The following COLEC12 variants were observed in gnomAD, a reference collection of about 807,000 sequenced individuals.
The protein encoded by COLEC12 is collectin subfamily member 12.
Under a neutral mutation model 71.1 loss-of-function variants are expected in COLEC12, and 33 were observed. The ratio of observed to expected loss-of-function variants is 0.46; its 90% CI spans 0.35 to 0.62. The LOEUF (loss-of-function observed/expected upper bound fraction) is 0.62, where lower values mean the gene tolerates loss of function less well. COLEC12 is among the 20% of genes least tolerant of loss of function. COLEC12 has a pLI of 0.00. For missense variants in COLEC12, 765 were observed against 916.1 expected (o/e 0.84, Z 2.13); for synonymous variants, 350 against 353.0 (o/e 0.99, Z 0.10).
At chr18:464,796 C>T (rs1246505489) in intron 2 of COLEC12, among the ~76,000 whole-genome samples, 1 of 152,232 alleles carries the variant, frequency 6.6e-6, no homozygotes. Context: ...AACGAACTCT[C>T]ATTGTAAGGC....
intron 1 of COLEC12, among the ~76,000 whole-genome samples, chr18:499,780 G>C (rs1917783445): frequency 2.0e-5 from 3 of 152,198 alleles, no homozygotes; most frequent in Admixed American, 1.3e-4. Flanking sequence ...TCTAAAGTAC[G>C]ATAACATCTG....
At chr18:462,998 G>A (rs1467414687) in intron 2 of COLEC12, among the ~76,000 whole-genome samples, 1 of 152,184 alleles carries the variant, frequency 6.6e-6, no homozygotes, top group African/African-American at 2.4e-5. Context: ...GGAAGAACAA[G>A]GTTTTCTGAT....
At chr18:448,991 C>T (rs1207230881) in intron 2 of COLEC12, among the ~76,000 whole-genome samples, 1 of 151,802 alleles carries the variant, frequency 6.6e-6, no homozygotes, top group African/African-American at 2.4e-5. Flanking sequence ...TTTTCTATTC[C>T]CAAAGAAATG....
chr18:346,242 G>T lies in COLEC12; in HGVS notation c.1327+53C>A. ...AAATTGCCAAGTTTTAGAGTAACTT[G>T]TTATGCAGCAATAAACAACTAATAC... is the stretch of plus-strand genomic sequence containing the variant. On this transcript the variant is annotated intron_variant, in intron 5 of 9. Coordinates refer to ENST00000400256, the MANE Select transcript of COLEC12 (RefSeq NM_130386.3). This position sits in a 1 kb window ranked among gnomAD's most constrained non-coding sequence, Gnocchi z 4.0. The T allele has an allele frequency of 1.5e-6, 2 of 1,317,866 alleles. No individual in the cohort carries two copies. Among genetic ancestry groups the T allele is most frequent in the Non-Finnish European group, 2.1e-6 (2 of 951,472 alleles). 81.6% of individuals were successfully genotyped at this position (1,317,866 alleles called of 1,614,324 possible).
At chr18:377,919 C>T (rs1472284975) in intron 2 of COLEC12, among the ~76,000 whole-genome samples, 2 of 152,092 alleles carry the variant, frequency 1.3e-5, no homozygotes, top group Admixed American at 1.3e-4. Flanking sequence ...GGGGCTTTAA[C>T]TCCTTCCCCA....
At chr18:427,667 C>T (rs1416034852) in intron 2 of COLEC12, among the ~76,000 whole-genome samples, 3 of 152,198 alleles carry the variant, frequency 2.0e-5, no homozygotes, top group African/African-American at 7.2e-5. Context: ...GTTGTATTCT[C>T]TCTAGTGACT....
At chr18:449,105 G>A (rs1044976041) in intron 2 of COLEC12, among the ~76,000 whole-genome samples, 1 of 151,870 alleles carries the variant, frequency 6.6e-6, no homozygotes, top group African/African-American at 2.4e-5. Flanking sequence ...TAATTAGAAT[G>A]TTATAGTAAA....
intron 2 of COLEC12, among the ~76,000 whole-genome samples, chr18:459,799 G>A (rs1037090037): frequency 2.6e-5 from 4 of 152,210 alleles, no homozygotes; most frequent in Non-Finnish European, 5.9e-5. Flanking sequence ...CATCTCAAAG[G>A]AGATGATTGC....
intron 2 of COLEC12, among the ~76,000 whole-genome samples, chr18:406,902 A>G (rs1915802207): frequency 6.6e-6 from 1 of 152,242 alleles, no homozygotes; most frequent in Non-Finnish European, 1.5e-5. Flanking sequence ...AGACCTCAGG[A>G]GCGATGACGG....
chr18:414,339 T>C (rs527520347), intron 2 of COLEC12, among the ~76,000 whole-genome samples: 6 of 152,154 alleles, frequency 3.9e-5, no homozygotes, highest in Admixed American at 2.0e-4. Context: ...CCTGTAATCC[T>C]AGCACTTTGG....
intron 2 of COLEC12, among the ~76,000 whole-genome samples, chr18:398,756 G>A (rs1379491030): frequency 1.3e-5 from 2 of 152,218 alleles, no homozygotes; most frequent in Non-Finnish European, 2.9e-5. Flanking sequence ...TAAAGAACAA[G>A]AAGCAAACTG....
At chr18:496,989 G>A (rs995167106) in intron 1 of COLEC12, among the ~76,000 whole-genome samples, 19 of 152,188 alleles carry the variant, frequency 1.2e-4, no homozygotes, top group African/African-American at 4.3e-4. Flanking sequence ...GTGTAGTACA[G>A]CTAATTGAAA....
chr18:469,903 G>C (rs1352172958), intron 2 of COLEC12, among the ~76,000 whole-genome samples: 1 of 151,786 alleles, frequency 6.6e-6, no homozygotes, highest in Non-Finnish European at 1.5e-5. Context: ...TGTTTTCCAA[G>C]AAATTGAAAC....
intron 5 of COLEC12, among the ~76,000 whole-genome samples, chr18:340,541 A>G (rs1598330905): frequency 6.6e-6 from 1 of 152,224 alleles, no homozygotes; most frequent in African/African-American, 2.4e-5. Flanking sequence ...AGAAGTGCCC[A>G]GCCCAGTTTC....
intron 2 of COLEC12, among the ~76,000 whole-genome samples, chr18:435,518 G>GTGGGGATTA (rs1298561929): frequency 6.6e-6 from 1 of 152,206 alleles, no homozygotes; most frequent in Non-Finnish European, 1.5e-5. Context: ...CCCTTGACAT[G>GTGGGGATTA]TGGGGATTAT....
chr18:473,706 T>C (rs1015989370), intron 2 of COLEC12, among the ~76,000 whole-genome samples: 2 of 152,186 alleles, frequency 1.3e-5, no homozygotes, highest in African/African-American at 4.8e-5. Context: ...CTGTCTGTCT[T>C]AAGTTGCTTG....
At chr18:331,561 G>A (rs1317409686) in intron 8 of COLEC12, 107 bp downstream of exon 8, 13 of 685,628 alleles carry the variant, frequency 1.9e-5, no homozygotes, top group Admixed American at 1.0e-4. Flanking sequence ...TGGGAGGAGC[G>A]TCTAGGACAC....
chr18:456,822 T>A (rs1916882251), intron 2 of COLEC12, among the ~76,000 whole-genome samples: 2 of 152,174 alleles, frequency 1.3e-5, no homozygotes, highest in South Asian at 4.1e-4. Flanking sequence ...GCACAGGCTG[T>A]TTGGCAACAT....
chr18:478,889 TC>T (rs1917354912), intron 2 of COLEC12, among the ~76,000 whole-genome samples: 2 of 126,778 alleles, frequency 1.6e-5, no homozygotes, highest in South Asian at 4.9e-4. Context: ...CTGTGAGTCA[TC>T]CGTTGCAACT....
Sources: gnomAD v4.1 joint callset for allele counts (sites outside exome capture counted in the v4.1 genomes callset) on GRCh38, gnomAD v4.1.1 for gene constraint, Gnocchi (gnomAD v3.1) non-coding constraint, MANE v1.5 for transcripts, NCBI Gene and HGNC (gene_info 2026-07-23, HGNC 2026-07-21) for gene names.